Variants in LRRC69 observed in about 807,000 individuals in gnomAD.
LRRC69 encodes leucine-rich repeat-containing protein 69.
Under a neutral mutation model 37.8 loss-of-function variants are expected in LRRC69, and 42 were observed. The observed-to-expected ratio is 1.11, with a 90% CI of 0.87 to 1.44. The LOEUF is 1.44. LRRC69 is among the 40% of genes most tolerant of loss of function. LRRC69 has a pLI of 0.00. For missense variants in LRRC69, 357 were observed against 401.9 expected (o/e 0.89, Z 0.96); for synonymous variants, 141 against 143.1 (o/e 0.99, Z 0.11).
chr8:91,114,596 A>T (rs1262064117), intron 1 of LRRC69, among the ~76,000 whole-genome samples: 1 of 152,014 alleles, frequency 6.6e-6, no homozygotes, highest in Non-Finnish European at 1.5e-5. Flanking sequence ...ATACTTTTTG[A>T]TACACAAATA....
intron 5 of LRRC69, among the ~76,000 whole-genome samples, chr8:91,163,472 T>G (rs923299286): frequency 6.6e-6 from 1 of 151,520 alleles, no homozygotes; most frequent in Non-Finnish European, 1.5e-5. Flanking sequence ...TCCCTACACT[T>G]CATCTAATGT....
chr8:91,158,093 A>G (rs1328575204), intron 5 of LRRC69: 1 of 1,517,288 alleles, frequency 6.6e-7, no homozygotes, highest in Admixed American at 1.7e-5. Flanking sequence ...TGGGGTACAA[A>G]CGGAGAGTTC....
chr8:91,199,105 A>C (rs145896513), intron 6 of LRRC69, among the ~76,000 whole-genome samples: 1 of 152,324 alleles, frequency 6.6e-6, no homozygotes, highest in East Asian at 1.9e-4. Context: ...TATTTTGGGT[A>C]GTGAATCCTT....
intron 1 of LRRC69, among the ~76,000 whole-genome samples, chr8:91,116,724 A>C (rs1417039676): frequency 6.6e-6 from 1 of 152,004 alleles, no homozygotes; most frequent in East Asian, 1.9e-4. Flanking sequence ...CCTTTTCTGT[A>C]AGATCAGGGT....
intron 1 of LRRC69, among the ~76,000 whole-genome samples, chr8:91,112,607 A>G (rs867767017): frequency 5.9e-5 from 9 of 152,068 alleles, no homozygotes; most frequent in African/African-American, 2.2e-4. Flanking sequence ...TAGGCTATAT[A>G]TGAGACTCCC....
intron 5 of LRRC69, among the ~76,000 whole-genome samples, chr8:91,137,783 G>C (rs774742389): frequency 1.3e-5 from 2 of 151,922 alleles, no homozygotes; most frequent in African/African-American, 2.4e-5. Context: ...CAAAATCAAA[G>C]TTTCCCACAT....
chr8:91,126,440 A>G (rs527582291), intron 2 of LRRC69, among the ~76,000 whole-genome samples: 1 of 152,146 alleles, frequency 6.6e-6, no homozygotes, highest in African/African-American at 2.4e-5. Flanking sequence ...AGAGTTCACA[A>G]AGAAGTCTGG....
At chr8:91,160,622 A>T (rs1808922602) in intron 5 of LRRC69, among the ~76,000 whole-genome samples, 2 of 151,078 alleles carry the variant, frequency 1.3e-5, no homozygotes, top group Admixed American at 1.3e-4. Flanking sequence ...CCTGCTGACC[A>T]TGTGAAGATG....
In LRRC69 at chr8:91,142,327, A is replaced by G. The variant is rs146612933; in HGVS notation, c.651+6588A>G. The stretch of plus-strand genomic sequence containing the variant: ...AAGCTCTTAGAATCCTCCGTTAGCA[A>G]TCTATCTAACAACCTGTACTATTAT... On this transcript the variant is annotated intron_variant, in intron 5 of 7. Coordinates refer to ENST00000448384, the Ensembl canonical transcript of LRRC69. Among the ~76,000 whole-genome samples, 830 of 152,216 alleles carry G rather than the reference A, an allele frequency of 5.5e-3. 12 individuals carry two copies. Among genetic ancestry groups the G allele is most frequent in the African/African-American group, 0.019 (805 of 41,592 alleles).
chr8:91,216,010 A>C (rs1185196546), intron 7 of LRRC69, among the ~76,000 whole-genome samples: 1 of 152,198 alleles, frequency 6.6e-6, no homozygotes, highest in East Asian at 1.9e-4. Context: ...TAGATGGAAA[A>C]GTGTAATACC....
intron 5 of LRRC69, among the ~76,000 whole-genome samples, chr8:91,147,685 C>A (rs1808646843): frequency 6.6e-6 from 1 of 151,724 alleles, no homozygotes; most frequent in Admixed American, 6.6e-5. Context: ...AGTTTTATAT[C>A]ATTTTACTAT....
At chr8:91,215,089 C>A (rs541643456) in intron 7 of LRRC69, among the ~76,000 whole-genome samples, 1 of 151,982 alleles carries the variant, frequency 6.6e-6, no homozygotes, top group Non-Finnish European at 1.5e-5. Flanking sequence ...GATTACATGG[C>A]GCCCACCTAG....
At chr8:91,172,732 C>A (rs1373022715) in intron 5 of LRRC69, among the ~76,000 whole-genome samples, 1 of 151,960 alleles carries the variant, frequency 6.6e-6, no homozygotes, top group African/African-American at 2.4e-5. Context: ...TCAGGCTGGT[C>A]TCGAATTCCT....
At chr8:91,206,410 T>A (rs1809806142) in intron 7 of LRRC69, among the ~76,000 whole-genome samples, 3 of 152,112 alleles carry the variant, frequency 2.0e-5, no homozygotes, top group Admixed American at 1.3e-4. Context: ...AGGATAGAAA[T>A]GTATGTTGGT....
intron 5 of LRRC69, 124 bp downstream of exon 5, chr8:91,135,863 A>G: frequency 2.1e-6 from 1 of 485,138 alleles, no homozygotes; most frequent in East Asian, 3.7e-5. Flanking sequence ...CAAATGACTC[A>G]AAGATTTGCT....
At chr8:91,133,874 C>T (rs779608304) in intron 4 of LRRC69, among the ~76,000 whole-genome samples, 16 of 152,066 alleles carry the variant, frequency 1.1e-4, no homozygotes, top group African/African-American at 2.9e-4. Context: ...TCTCGTGATC[C>T]GCCCACCTCG....
chr8:91,112,105 C>A (rs990464222), intron 1 of LRRC69, among the ~76,000 whole-genome samples: 5 of 151,922 alleles, frequency 3.3e-5, no homozygotes, highest in South Asian at 2.1e-4. Context: ...TGAAACACAT[C>A]ATTACTGCAG....
chr8:91,172,248 A>G (rs901072910), intron 5 of LRRC69, among the ~76,000 whole-genome samples: 15 of 152,088 alleles, frequency 9.9e-5, no homozygotes, highest in South Asian at 2.1e-4. Context: ...TGTACATACC[A>G]TTAGTTATTC....
At chr8:91,158,100 G>A (rs1426407495) in intron 5 of LRRC69, 20 of 1,531,084 alleles carry the variant, frequency 1.3e-5, no homozygotes, top group Non-Finnish European at 1.7e-5. Context: ...CAAACGGAGA[G>A]TTCTACATTT....
Sources: allele counts gnomAD v4.1 joint callset (sites outside exome capture counted in the v4.1 genomes callset), GRCh38; gene constraint gnomAD v4.1.1; transcripts MANE v1.5; gene names NCBI Gene and HGNC (gene_info 2026-07-23, HGNC 2026-07-21).